The following KIAA0753 variants were observed in gnomAD, a reference collection of about 807,000 sequenced individuals.
KIAA0753 encodes protein moonraker.
Under a neutral mutation model 116.9 loss-of-function variants are expected in KIAA0753, and 114 were observed. The observed-to-expected ratio is 0.98, with a 90% CI of 0.84 to 1.14. The LOEUF (loss-of-function observed/expected upper bound fraction) is 1.14. Ranked by LOEUF, KIAA0753 falls within the 50% of genes most tolerant of loss-of-function variation. The pLI is 0.00. For missense variants in KIAA0753, 1,156 were observed against 1,172.4 expected (o/e 0.99, Z 0.20); for synonymous variants, 405 against 413.1 (o/e 0.98, Z 0.24).
chr17:6,620,045 T>TA (rs1230920476), intron 7 of KIAA0753, among the ~76,000 whole-genome samples: 1 of 152,176 alleles, frequency 6.6e-6, no homozygotes, highest in East Asian at 1.9e-4. Flanking sequence ...TCCTAACATA[T>TA]ACATCCATAA....
At chr17:6,596,421 A>G (rs1969493319) in intron 14 of KIAA0753, 78 bp from the exon 15 acceptor site, 1 of 1,146,536 alleles carries the variant, frequency 8.7e-7, no homozygotes, top group Non-Finnish European at 1.2e-6. Flanking sequence ...AAAACAGAAA[A>G]ACATAAAAAT....
intron 16 of KIAA0753, among the ~76,000 whole-genome samples, chr17:6,591,033 GGAAGAAGGAAGAAGAAGAA>G (rs1968976698): frequency 1.2e-4 from 11 of 90,644 alleles, no homozygotes; most frequent in South Asian, 7.6e-4. Flanking sequence ...GAAGGAAGAA[GGAAGAAGGAAGAAGAAGAA>G]GAAGAAGAAG....
At chr17:6,633,947 C>A (rs531475435) in intron 2 of KIAA0753, among the ~76,000 whole-genome samples, 1 of 151,932 alleles carries the variant, frequency 6.6e-6, no homozygotes, top group African/African-American at 2.4e-5. Context: ...TGATCTGTAT[C>A]TTGATAGAGG....
chr17:6,624,668 T>C (rs1444820111), intron 4 of KIAA0753, 87 bp downstream of exon 4: 21 of 866,470 alleles, frequency 2.4e-5, no homozygotes, highest in Non-Finnish European at 3.5e-5. Context: ...CTAGTGCTAA[T>C]CTTTCTGAGA....
At chr17:6,611,291 T>A (rs1270388634) in intron 8 of KIAA0753, among the ~76,000 whole-genome samples, 1 of 152,176 alleles carries the variant, frequency 6.6e-6, no homozygotes, top group East Asian at 1.9e-4. Flanking sequence ...TATTTATCTT[T>A]AGCAGGAACT....
intron 7 of KIAA0753, among the ~76,000 whole-genome samples, chr17:6,614,505 AG>A (rs1970750838): frequency 1.0e-5 from 1 of 100,152 alleles, no homozygotes; most frequent in Admixed American, 1.2e-4. Flanking sequence ...TACAAGCATA[AG>A]TGGGGGGGGG....
intron 12 of KIAA0753, among the ~76,000 whole-genome samples, chr17:6,602,600 C>T (rs536340069): frequency 1.3e-5 from 2 of 152,276 alleles, no homozygotes; most frequent in South Asian, 4.1e-4. Context: ...CAACTGCCTC[C>T]GTGAGGGATG....
intron 18 of KIAA0753, among the ~76,000 whole-genome samples, chr17:6,583,736 T>G (rs1655477269): frequency 6.6e-6 from 1 of 152,252 alleles, no homozygotes; most frequent in African/African-American, 2.4e-5. Context: ...AAAGTTCTAA[T>G]TCATGTCTTT....
intron 16 of KIAA0753, among the ~76,000 whole-genome samples, chr17:6,591,019 G>GGAA (rs200589879): frequency 0.029 from 2,835 of 97,998 alleles, 112 homozygotes; most frequent in Non-Finnish European, 0.034. Flanking sequence ...GGAAGAAGAA[G>GGAA]GAAGAAGGAA....
Position 6,591,043 on chromosome 17 carries a change from A to AGAAGGAAGAAGGAG in KIAA0753, c.2441-414_2441-413insCTCCTTCTTCCTTC, listed in dbSNP as rs1480196381. On this transcript the variant is annotated intron_variant, in intron 16 of 18. Transcript: ENST00000361413. ...AGGAAGAAGGAAGAAGGAAGAAGGA[A>AGAAGGAAGAAGGAG]GAAGAAGAAGAAGAAGAAGAAGAAG... 3.3e-3 allele frequency among the ~76,000 whole-genome samples: 107 copies of AGAAGGAAGAAGGAG among 32,672 alleles called. 2 individuals are homozygous for AGAAGGAAGAAGGAG. Among genetic ancestry groups the AGAAGGAAGAAGGAG allele is most frequent in the African/African-American group, 0.011 (104 of 9,562 alleles). 21.4% of individuals were successfully genotyped at this position (32,672 alleles called of 152,430 possible).
intron 7 of KIAA0753, among the ~76,000 whole-genome samples, chr17:6,619,729 T>A (rs553536217): frequency 3.9e-5 from 6 of 152,324 alleles, no homozygotes; most frequent in African/African-American, 1.2e-4. Context: ...ACCCAACTTG[T>A]ATGTTCTACT....
chr17:6,615,311 C>T (rs1970817683), intron 7 of KIAA0753, among the ~76,000 whole-genome samples: 3 of 152,152 alleles, frequency 2.0e-5, no homozygotes, highest in Admixed American at 1.3e-4. Context: ...TTGGTGATCA[C>T]AGCAACTGTC....
intron 7 of KIAA0753, 125 bp downstream of exon 7, chr17:6,620,663 A>C: frequency 1.2e-6 from 1 of 853,748 alleles, no homozygotes; most frequent in Non-Finnish European, 1.9e-6. Context: ...TACTGATCCT[A>C]GTTAAAGTTC....
chr17:6,625,629 T>C (rs1022627941), intron 3 of KIAA0753, among the ~76,000 whole-genome samples: 8 of 151,640 alleles, frequency 5.3e-5, no homozygotes, highest in Non-Finnish European at 8.8e-5. Flanking sequence ...ATCGCACCAC[T>C]ACACTCCAGC....
At chr17:6,589,023 T>C (rs955458465) in intron 18 of KIAA0753, among the ~76,000 whole-genome samples, 29 of 152,146 alleles carry the variant, frequency 1.9e-4, no homozygotes, top group African/African-American at 7.0e-4. Context: ...TGTTCTCTGA[T>C]GGGACAACAT....
At chr17:6,591,645 T>C (rs1045751065) in intron 16 of KIAA0753, among the ~76,000 whole-genome samples, 4 of 152,228 alleles carry the variant, frequency 2.6e-5, no homozygotes, top group Non-Finnish European at 4.4e-5. Flanking sequence ...GAGTCACAGA[T>C]AGTGACTAAT....
At position 6,579,665 on chromosome 17, in the gene KIAA0753, T is replaced by C. The variant is rs1220759359; in HGVS notation, c.*82A>G. ...CTGGGCCTGGATGGACAGCTGAGGA[T>C]GAAAATTTCCTGTGGGCCAAAACAA... On this transcript the variant is annotated 3_prime_UTR_variant, in exon 19 of 19. Transcript: ENST00000361413. 3.1e-6 allele frequency: 3 copies of C among 969,004 alleles called. No individual in the cohort carries two copies. In the African/African-American group the frequency reaches 4.8e-5, roughly 15 times the overall value. 60.0% of individuals were successfully genotyped at this position (969,004 alleles called of 1,614,324 possible).
At chr17:6,598,170 A>C (rs531550724) in intron 14 of KIAA0753, among the ~76,000 whole-genome samples, 1 of 152,200 alleles carries the variant, frequency 6.6e-6, no homozygotes, top group African/African-American at 2.4e-5. Flanking sequence ...CTTTCATATT[A>C]AAGTGCAGTA....
chr17:6,623,210 T>C, intron 5 of KIAA0753, 113 bp from the exon 6 acceptor site: 1 of 1,085,970 alleles, frequency 9.2e-7, no homozygotes, highest in Non-Finnish European at 1.3e-6. Context: ...GTGCTTTCTA[T>C]TGTGAAAACT....
Sources: allele counts gnomAD v4.1 joint callset (sites outside exome capture counted in the v4.1 genomes callset), GRCh38; gene constraint gnomAD v4.1.1; transcripts MANE v1.5; gene names NCBI Gene and HGNC (gene_info 2026-07-23, HGNC 2026-07-21).